The following SLC12A3 variants were observed in gnomAD, a reference collection of about 807,000 sequenced individuals.
SLC12A3 encodes the protein solute carrier family 12 member 3.
SLC12A3 carries 104 observed loss-of-function variants against 121.0 expected under a neutral mutation model. The ratio of observed to expected loss-of-function variants is 0.86; its 90% confidence interval spans 0.73 to 1.01. The LOEUF (loss-of-function observed/expected upper bound fraction) is 1.01. Ranked by LOEUF, SLC12A3 falls within the 50% of genes least tolerant of loss-of-function variation. SLC12A3 has a pLI of 0.00. For missense variants in SLC12A3, 1,328 were observed against 1,356.3 expected (o/e 0.98, Z 0.33); for synonymous variants, 536 against 533.4 (o/e 1.00, Z -0.07).
chr16:56,890,312 G>A lies in SLC12A3; in HGVS notation c.2324G>A (p.Arg775Lys). The A allele has an allele frequency of 6.2e-7, 1 of 1,614,182 alleles. No homozygotes were observed. The highest frequency in any genetic ancestry group is 8.5e-7 in the Non-Finnish European group (1 of 1,180,032). ...TTCAACTATGGCGTGTGTGTCATGAGGATGCGGGAGGGACTCAACGTGTCC... is the reference window on the plus strand; with the variant it reads ...TTCAACTATGGCGTGTGTGTCATGAAGATGCGGGAGGGACTCAACGTGTCC... ...FDFNYGVCVM[R>K]MREGLNVSKM... is the part of the protein sequence containing the mutation. The change falls in exon 19 of 26, where the codon AGG becomes AAG. Residue 775 changes from arginine to lysine, a missense_variant. Arg to Lys is a conservative substitution (Grantham distance 26). Transcript: ENST00000563236.
chr16:56,895,130 G>A (rs139897025), intron 22 of SLC12A3, among the ~76,000 whole-genome samples: 4 of 150,916 alleles, frequency 2.7e-5, no homozygotes, highest in East Asian at 1.9e-4. Context: ...CCAGGAGTTC[G>A]AGACCAACCT....
intron 3 of SLC12A3, 138 bp from the exon 4 acceptor site, chr16:56,869,591 G>T: frequency 1.3e-6 from 1 of 749,212 alleles, no homozygotes; most frequent in Non-Finnish European, 2.4e-6. Flanking sequence ...CTCCCAAAGT[G>T]ACAGAGACCC....
intron 17 of SLC12A3, 127 bp from the exon 18 acceptor site, chr16:56,887,798 A>ATATATATATATATATATATTTT (rs1433682477): frequency 1.5e-5 from 1 of 68,454 alleles, no homozygotes; most frequent in Non-Finnish European, 2.9e-5. Context: ...ATATATATAT[A>ATATATATATATATATATATTTT]TTTTTTTTTT....
rs1964327996 is a variant in SLC12A3 at position 56,865,388 on chromosome 16, C to T, written c.153C>T (p.Phe51=). The stretch of plus-strand genomic sequence containing the variant: ...GCCACCTGACCCACAGCAGCACCTT[C>T]TGCATGCGCACCTTTGGCTACAACA... ...HPSHLTHSST[F]CMRTFGYNTI... Residue 51 remains phenylalanine, a synonymous_variant, in exon 1 of 26, where the codon TTC becomes TTT. Coordinates refer to ENST00000563236, the MANE Select transcript of SLC12A3 (RefSeq NM_001126108.2). 6.2e-7 allele frequency: 1 copy of T among 1,614,232 alleles called. No individual in the cohort carries two copies. Among genetic ancestry groups the T allele is most frequent in the Non-Finnish European group, 8.5e-7 (1 of 1,180,044 alleles).
chr16:56,873,909 G>C (rs1040947470), intron 8 of SLC12A3, among the ~76,000 whole-genome samples: 7 of 151,536 alleles, frequency 4.6e-5, no homozygotes, highest in South Asian at 2.1e-4. Context: ...ACAGGGTTTC[G>C]CCATGTTGGC....
At chr16:56,900,783 G>A (rs1232576554) in intron 23 of SLC12A3, among the ~76,000 whole-genome samples, 1 of 151,994 alleles carries the variant, frequency 6.6e-6, no homozygotes, top group African/African-American at 2.4e-5. Flanking sequence ...CACCCGCCTT[G>A]GCCTCCCAAA....
In SLC12A3 at chr16:56,886,940, CT is replaced by C. The variant is rs745571455; in HGVS notation, c.2038-12del. 6.2e-6 allele frequency: 10 copies of C among 1,613,392 alleles called. No homozygotes were observed. The African/African-American group carries it at 9.3e-5, about 15-fold the overall frequency. ...AGGCAGCTGGTGATGTCCCCTGCCCCTCCCACCCACAGGGACCCCACAAGCA... is the reference window on the plus strand; with the variant it reads ...AGGCAGCTGGTGATGTCCCCTGCCCCCCCACCCACAGGGACCCCACAAGCA... On this transcript the variant is annotated splice_polypyrimidine_tract_variant and intron_variant, in intron 16 of 25. Coordinates refer to ENST00000563236, the MANE Select transcript of SLC12A3 (RefSeq NM_001126108.2).
chr16:56,890,429 A>C lies in SLC12A3; in HGVS notation c.2368+73A>C, dbSNP rs1246259518. On this transcript the variant is annotated intron_variant, in intron 19 of 25. Coordinates refer to ENST00000563236, the MANE Select transcript of SLC12A3 (RefSeq NM_001126108.2). ...TTGTTTTTAAATGGCAGAGGGAAAAATGAGTAAGAAATAAAAGGTTACAGA... is the reference window on the plus strand; with the variant it reads ...TTGTTTTTAAATGGCAGAGGGAAAACTGAGTAAGAAATAAAAGGTTACAGA... The C allele has an allele frequency of 2.5e-6, 3 of 1,218,492 alleles. No homozygotes were observed. The Admixed American group carries it at 5.4e-5, about 22-fold the overall frequency. The allele number at this position is 1,218,492 out of a possible 1,614,324, so 75.5% of individuals were successfully genotyped here.
At position 56,913,500 on chromosome 16, in the gene SLC12A3, G is replaced by T; in HGVS notation, c.*95G>T. On this transcript the variant is annotated 3_prime_UTR_variant, in exon 26 of 26. Transcript: ENST00000563236. ...TCCACAGGGATGAGACTCATGTTCT[G>T]TTGCACTTTAAGTGGCAGCATCTGA... 7.8e-7 allele frequency: 1 copy of T among 1,287,276 alleles called. No individual in the cohort carries two copies. The allele number at this position is 1,287,276 out of a possible 1,614,324, so 79.7% of individuals were successfully genotyped here. A position where few individuals can be genotyped will look rare whatever the true frequency, so the allele number is the denominator to read the frequency against.
At chr16:56,901,489 G>A (rs1472626642) in intron 23 of SLC12A3, among the ~76,000 whole-genome samples, 1 of 152,082 alleles carries the variant, frequency 6.6e-6, no homozygotes. Context: ...ACAGGTGTGT[G>A]CCACCACACC....
chr16:56,872,286 TG>T, intron 6 of SLC12A3, 64 bp from the exon 7 acceptor site: 1 of 1,137,182 alleles, frequency 8.8e-7, no homozygotes. Flanking sequence ...AATCATTTTC[TG>T]GCGGGGCTTC....
intron 9 of SLC12A3, 76 bp from the exon 10 acceptor site, chr16:56,878,997 C>T: frequency 6.5e-7 from 1 of 1,538,268 alleles, no homozygotes; most frequent in Non-Finnish European, 8.8e-7. Flanking sequence ...ACCTCGCCCT[C>T]TGCAGAGGTG....
At chr16:56,911,307 T>TTTTGTTTGTTTGTTTG (rs10695057) in intron 25 of SLC12A3, among the ~76,000 whole-genome samples, 1 of 148,336 alleles carries the variant, frequency 6.7e-6, no homozygotes, top group Non-Finnish European at 1.5e-5. Flanking sequence ...TTTTGAGACC[T>TTTTGTTTGTTTGTTTG]TTTGTTTGTT....
At chr16:56,913,116 C>T (rs2055707756) in intron 25 of SLC12A3, 148 bp from the exon 26 acceptor site, 7 of 982,614 alleles carry the variant, frequency 7.1e-6, no homozygotes, top group South Asian at 1.4e-5. Flanking sequence ...CAGGTTTGTG[C>T]GGAAAGTGGG....
At chr16:56,897,774 T>A (rs1335695401) in intron 22 of SLC12A3, among the ~76,000 whole-genome samples, 1 of 152,194 alleles carries the variant, frequency 6.6e-6, no homozygotes, top group African/African-American at 2.4e-5. Flanking sequence ...TCTGCCTCCC[T>A]CTGTCCCTTG....
chr16:56,878,037 T>TCCCCCCCCCC, intron 8 of SLC12A3, 40 bp from the exon 9 acceptor site: 4 of 421,398 alleles, frequency 9.5e-6, no homozygotes, highest in East Asian at 5.0e-5. Context: ...CCTCCCTCTC[T>TCCCCCCCCCC]CCCTCCCTCC....
chr16:56,873,063 GC>G (rs2055119969), intron 8 of SLC12A3, among the ~76,000 whole-genome samples: 1 of 152,204 alleles, frequency 6.6e-6, no homozygotes, highest in East Asian at 1.9e-4. Flanking sequence ...GGGAAGACTG[GC>G]CCAGCTGTGA....
At chr16:56,913,208 G>T (rs538668071) in intron 25 of SLC12A3, 56 bp from the exon 26 acceptor site, 2 of 1,612,524 alleles carry the variant, frequency 1.2e-6, no homozygotes, top group Non-Finnish European at 1.7e-6. Flanking sequence ...TGGGAGCTGG[G>T]CGTGTGGAGC....
chr16:56,871,704 C>T (rs1417238554), intron 6 of SLC12A3, among the ~76,000 whole-genome samples: 1 of 152,082 alleles, frequency 6.6e-6, no homozygotes, highest in Non-Finnish European at 1.5e-5. Flanking sequence ...CCATCACACT[C>T]CCTCTTCTTT....
Sources: allele counts gnomAD v4.1 joint callset (sites outside exome capture counted in the v4.1 genomes callset), GRCh38; gene constraint gnomAD v4.1.1; transcripts MANE v1.5; gene names NCBI Gene and HGNC (gene_info 2026-07-23, HGNC 2026-07-21).